Variants in PPP1R12A observed in about 807,000 individuals in gnomAD.
The protein encoded by PPP1R12A is protein phosphatase 1 regulatory subunit 12A.
In PPP1R12A, 19 loss-of-function variants were observed where a neutral mutation model predicts 139.6. The ratio of observed to expected loss-of-function variants is 0.14; its 90% confidence interval spans 0.09 to 0.20. The LOEUF (loss-of-function observed/expected upper bound fraction) is 0.20, where lower values mean the gene tolerates loss of function less well. Ranked by LOEUF, PPP1R12A falls within the 10% of genes least tolerant of loss-of-function variation. PPP1R12A has a pLI of 1.00. For missense variants in PPP1R12A, 925 were observed against 1,211.5 expected (o/e 0.76, Z 3.51); for synonymous variants, 427 against 420.6 (o/e 1.02, Z -0.19).
intron 14 of PPP1R12A, among the ~76,000 whole-genome samples, chr12:79,804,154 A>G (rs1204884733): frequency 6.6e-6 from 1 of 152,076 alleles, no homozygotes; most frequent in Non-Finnish European, 1.5e-5. Flanking sequence ...AGAACTTCTG[A>G]TCCTTCTTCC....
intron 2 of PPP1R12A, among the ~76,000 whole-genome samples, chr12:79,856,338 A>G (rs1282726551): frequency 6.6e-6 from 1 of 152,328 alleles, no homozygotes; most frequent in East Asian, 1.9e-4. Flanking sequence ...GTTTAATGCA[A>G]TCAGAACCAG....
intron 24 of PPP1R12A, chr12:79,777,626 T>C (rs1825078843): frequency 3.0e-6 from 3 of 985,288 alleles, no homozygotes; most frequent in Non-Finnish European, 3.6e-6. Flanking sequence ...CCCTCAGAGA[T>C]TGAATTTGCT....
chr12:79,816,196 CCT>C (rs1875361627), intron 9 of PPP1R12A, among the ~76,000 whole-genome samples: 1 of 151,798 alleles, frequency 6.6e-6, no homozygotes, highest in Non-Finnish European at 1.5e-5. Flanking sequence ...CAAGTGGACC[CCT>C]GATTTTAAAA....
At chr12:79,794,183 C>T (rs1335008936) in intron 18 of PPP1R12A, among the ~76,000 whole-genome samples, 1 of 151,894 alleles carries the variant, frequency 6.6e-6, no homozygotes, top group Non-Finnish European at 1.5e-5. Flanking sequence ...ATATGTTTAA[C>T]TTTTCTATAT....
chr12:79,881,503 AG>A (rs748086316), intron 1 of PPP1R12A, among the ~76,000 whole-genome samples: 2 of 152,186 alleles, frequency 1.3e-5, no homozygotes, highest in Non-Finnish European at 2.9e-5. Context: ...GAAGCCCAAG[AG>A]AGGTGAGGAA....
At chr12:79,811,181 A>C (rs1387626407) in intron 9 of PPP1R12A, among the ~76,000 whole-genome samples, 1 of 152,216 alleles carries the variant, frequency 6.6e-6, no homozygotes, top group Non-Finnish European at 1.5e-5. Flanking sequence ...ATCTATTGCC[A>C]ACATTTGCTA....
Position 79,828,333 on chromosome 12 carries a change from A to G in PPP1R12A, c.779T>C (p.Met260Thr). The G allele has an allele frequency of 6.2e-7, 1 of 1,609,002 alleles. No individual in the cohort carries two copies. The highest frequency in any genetic ancestry group is 8.5e-7 in the Non-Finnish European group (1 of 1,177,074). Residue 260 changes from methionine (M) to threonine (T), a missense_variant, in exon 5 of 25, where the codon ATG becomes ACG. Met to Thr is a moderately conservative substitution (Grantham distance 81). This residue lies in a region of PPP1R12A where 199 missense variants were observed against 352.4 expected (regional missense o/e 0.56). Transcript: ENST00000450142. ...ILVDNLCDME[M>T]VNKVGQTAFD... The stretch of plus-strand genomic sequence containing the variant: ...TAAAACGCCTACCACTTTGTTGACC[A>G]TCTCCATATCACACAGATTGTCCAC...
At chr12:79,935,415 G>C, upstream of PPP1R12A, 4 of 991,702 alleles carry the variant, frequency 4.0e-6, no homozygotes, top group South Asian at 1.8e-4. Flanking sequence ...CGGGAATCCG[G>C]AGGCCAGCAG....
At chr12:79,922,193 C>T (rs545099393) in intron 1 of PPP1R12A, among the ~76,000 whole-genome samples, 7 of 152,134 alleles carry the variant, frequency 4.6e-5, no homozygotes, top group African/African-American at 4.8e-5. Context: ...GCCAGGCAGT[C>T]GAAGCTGCAG....
chr12:79,901,799 G>A (rs1885664430), intron 1 of PPP1R12A, among the ~76,000 whole-genome samples: 1 of 152,128 alleles, frequency 6.6e-6, no homozygotes, highest in Admixed American at 6.6e-5. Context: ...TACACCCTAG[G>A]AGAAGAGGCA....
chr12:79,804,587 C>A (rs1873587241), intron 14 of PPP1R12A, among the ~76,000 whole-genome samples: 1 of 151,944 alleles, frequency 6.6e-6, no homozygotes, highest in African/African-American at 2.4e-5. Flanking sequence ...AAAAAGAACT[C>A]TGTATGTAAG....
intron 3 of PPP1R12A, among the ~76,000 whole-genome samples, chr12:79,837,395 C>G (rs925177145): frequency 6.6e-6 from 1 of 152,108 alleles, no homozygotes; most frequent in African/African-American, 2.4e-5. Flanking sequence ...ATTATTACTA[C>G]TTTCAAAGGC....
chr12:79,883,692 T>C lies in PPP1R12A; in HGVS notation c.238-10754A>G, dbSNP rs137859564. Among the ~76,000 whole-genome samples the C allele has an allele frequency of 7.9e-5, 12 of 152,252 alleles. No homozygotes were observed. In the East Asian group the frequency reaches 1.9e-3, roughly 25 times the overall value. On this transcript the variant is annotated intron_variant, in intron 1 of 24. Transcript: ENST00000450142. ...AATGTCAATTTGGGAATTATCTGCA[T>C]TGAGGTAATAAAACAATGGGACTTG...
At chr12:79,795,584 A>C (rs1255729207) in intron 18 of PPP1R12A, 54 bp downstream of exon 18, 1 of 1,536,368 alleles carries the variant, frequency 6.5e-7, no homozygotes, top group African/African-American at 1.4e-5. Flanking sequence ...TTTTGGACAC[A>C]TTAAGAATAC....
At chr12:79,913,648 G>C (rs1886768915) in intron 1 of PPP1R12A, 1 of 152,104 alleles carries the variant, frequency 6.6e-6, no homozygotes, top group Admixed American at 6.6e-5. Context: ...AGATTGACTT[G>C]GCTGTGCCTG....
chr12:79,798,718 T>A (rs1872746393), intron 14 of PPP1R12A, 134 bp from the exon 15 acceptor site: 1 of 418,508 alleles, frequency 2.4e-6, no homozygotes, highest in Admixed American at 4.2e-5. Context: ...CAGAAAATGG[T>A]CTTTGAAATT....
intron 19 of PPP1R12A, among the ~76,000 whole-genome samples, chr12:79,792,344 T>G (rs539911981): frequency 1.3e-5 from 2 of 152,308 alleles, no homozygotes; most frequent in Admixed American, 1.3e-4. Context: ...AAGCCAACTA[T>G]AATCCTATCC....
chr12:79,831,153 A>G (rs1475728469), intron 4 of PPP1R12A, among the ~76,000 whole-genome samples: 1 of 148,324 alleles, frequency 6.7e-6, no homozygotes, highest in East Asian at 1.9e-4. Flanking sequence ...TCTATTCTCA[A>G]AAAAAAAAAT....
At chr12:79,934,008 C>T (rs1003775377) in intron 1 of PPP1R12A, among the ~76,000 whole-genome samples, 2 of 62,790 alleles carry the variant, frequency 3.2e-5, no homozygotes, top group Admixed American at 3.2e-4. Flanking sequence ...CAACACGTTC[C>T]GGTCCGGAGG....
Sources: allele counts gnomAD v4.1 joint callset (sites outside exome capture counted in the v4.1 genomes callset), GRCh38; gene constraint gnomAD v4.1.1; regional missense constraint gnomAD v4.1.1; transcripts MANE v1.5; gene names NCBI Gene and HGNC (gene_info 2026-07-23, HGNC 2026-07-21).